MYOCOS: variants seen among roughly 807,000 people sequenced by gnomAD.
MYOCOS encodes the protein myocilin opposite strand, also known as myocilin opposite strand protein.
chr1:171,615,232 T>C (rs1012653190), intron 2 of MYOCOS, among the ~76,000 whole-genome samples: 4 of 152,182 alleles, frequency 2.6e-5, no homozygotes, highest in African/African-American at 9.7e-5. Flanking sequence ...GGGGACCAGA[T>C]AGGCTTAATC....
chr1:171,611,184 G>T (rs2102934378), intron 1 of MYOCOS, among the ~76,000 whole-genome samples: 1 of 152,310 alleles, frequency 6.6e-6, no homozygotes, highest in Non-Finnish European at 1.5e-5. Flanking sequence ...CTACTGAATT[G>T]ACAAAACCAA....
chr1:171,608,679 C>G (rs1652300431), intron 1 of MYOCOS, among the ~76,000 whole-genome samples: 1 of 152,050 alleles, frequency 6.6e-6, no homozygotes, highest in Non-Finnish European at 1.5e-5. Flanking sequence ...CCTCGGCCTC[C>G]CAAAGGGCTG....
intron 1 of MYOCOS, among the ~76,000 whole-genome samples, chr1:171,605,849 A>G (rs910189522): frequency 1.3e-5 from 2 of 152,222 alleles, no homozygotes; most frequent in Admixed American, 6.5e-5. Flanking sequence ...ATTATTACTA[A>G]TAAAACCGGT....
rs1652624428 is a variant in MYOCOS at position 171,623,883 on chromosome 1, C to A, written c.-1C>A. On this transcript the variant is annotated 5_prime_UTR_variant, in exon 2 of 3. Coordinates refer to ENST00000637642, the MANE Select transcript of MYOCOS (RefSeq NM_001391940.1). ...TCCTCAAATCCCCTGAGTGCAAGGC[C>A]ATGGCTCAGAAAAGCCTTGCAAACA... is the stretch of plus-strand genomic sequence containing the variant. 5.0e-6 allele frequency: 2 copies of A among 398,474 alleles called. No individual in the cohort carries two copies. Among genetic ancestry groups the A allele is most frequent in the Non-Finnish European group, 8.8e-6 (2 of 226,080 alleles). The allele number at this position is 398,474 out of a possible 1,614,324, so 24.7% of individuals were successfully genotyped here.
chr1:171,621,712 G>A (rs1460715041), upstream of MYOCOS, among the ~76,000 whole-genome samples: 1 of 151,986 alleles, frequency 6.6e-6, no homozygotes, highest in Non-Finnish European at 1.5e-5. Flanking sequence ...GAAATAGACT[G>A]CCGCCTTGAA....
chr1:171,603,258 A>C (rs1652178408), intron 1 of MYOCOS, among the ~76,000 whole-genome samples: 1 of 152,208 alleles, frequency 6.6e-6, no homozygotes, highest in African/African-American at 2.4e-5. Context: ...TCAACCAGTC[A>C]GCCCTTGTTC....
upstream of MYOCOS, among the ~76,000 whole-genome samples, chr1:171,619,219 G>A (rs533054452): frequency 1.0e-3 from 153 of 152,230 alleles, no homozygotes; most frequent in African/African-American, 3.3e-3. Flanking sequence ...CCCAAATAGC[G>A]AATTTCTTCT....
chr1:171,608,334 A>G (rs982766980), intron 1 of MYOCOS, among the ~76,000 whole-genome samples: 2 of 150,672 alleles, frequency 1.3e-5, no homozygotes, highest in African/African-American at 4.9e-5. Flanking sequence ...AAAATGCCTT[A>G]GTAAATCTTG....
intron 1 of MYOCOS, among the ~76,000 whole-genome samples, chr1:171,611,215 T>C (rs530124615): frequency 6.6e-6 from 1 of 152,318 alleles, no homozygotes; most frequent in South Asian, 2.1e-4. Context: ...TTTCTTTTTT[T>C]CTCTTTAAGC....
intron 1 of MYOCOS, among the ~76,000 whole-genome samples, chr1:171,623,380 G>A (rs1412458760): frequency 6.6e-6 from 1 of 152,116 alleles, no homozygotes; most frequent in Non-Finnish European, 1.5e-5. Context: ...GTTCTTTAAG[G>A]GGTAAGTGTT....
chr1:171,600,987 G>A (rs1054734201), exon 1 of MYOCOS: 16 of 152,386 alleles, frequency 1.0e-4, no homozygotes, highest in African/African-American at 3.8e-4. Context: ...GGCTACCCGA[G>A]GCAGCCCCTT....
At chr1:171,617,931 T>C (rs926945691), upstream of MYOCOS, among the ~76,000 whole-genome samples, 11 of 151,758 alleles carry the variant, frequency 7.2e-5, no homozygotes, top group Admixed American at 2.6e-4. Context: ...TAGAGTAAGG[T>C]GAGAGGAGAC....
chr1:171,612,082 T>C (rs1050171223), intron 1 of MYOCOS, among the ~76,000 whole-genome samples: 4 of 152,036 alleles, frequency 2.6e-5, no homozygotes, highest in African/African-American at 4.8e-5. Context: ...TTTTCTTTTC[T>C]TTTCTTTGAG....
At chr1:171,611,726 C>T (rs1172373987) in intron 1 of MYOCOS, among the ~76,000 whole-genome samples, 1 of 152,116 alleles carries the variant, frequency 6.6e-6, no homozygotes, top group East Asian at 1.9e-4. Context: ...AGCAGTATTC[C>T]TAAGTATGGA....
At chr1:171,619,455 A>C (rs1353148342), upstream of MYOCOS, among the ~76,000 whole-genome samples, 1 of 152,194 alleles carries the variant, frequency 6.6e-6, no homozygotes, top group Non-Finnish European at 1.5e-5. Context: ...TATCTGAACT[A>C]CAACAGACTC....
At chr1:171,605,827 G>A (rs1471267012) in intron 1 of MYOCOS, among the ~76,000 whole-genome samples, 2 of 152,232 alleles carry the variant, frequency 1.3e-5, no homozygotes, top group South Asian at 2.1e-4. Flanking sequence ...ACGGTTACAA[G>A]CTGTTTTAAA....
chr1:171,620,972 G>T (rs1278284843), upstream of MYOCOS, among the ~76,000 whole-genome samples: 1 of 151,946 alleles, frequency 6.6e-6, no homozygotes, highest in Non-Finnish European at 1.5e-5. Context: ...GTTTCACCTT[G>T]TTGGCCAGGA....
At chr1:171,618,882 T>A (rs1430230816), upstream of MYOCOS, among the ~76,000 whole-genome samples, 2 of 152,186 alleles carry the variant, frequency 1.3e-5, no homozygotes, top group African/African-American at 4.8e-5. Context: ...GGACTCACTA[T>A]CTCCTTTTTT....
At chr1:171,626,214 C>G (rs1164311817) in intron 2 of MYOCOS, among the ~76,000 whole-genome samples, 1 of 152,150 alleles carries the variant, frequency 6.6e-6, no homozygotes, top group Non-Finnish European at 1.5e-5. Flanking sequence ...TCCCAAGTAG[C>G]TGGGACCACA....
Sources: allele counts gnomAD v4.1 joint callset (sites outside exome capture counted in the v4.1 genomes callset), GRCh38; gene constraint gnomAD v4.1.1; transcripts MANE v1.5; gene names NCBI Gene and HGNC (gene_info 2026-07-23, HGNC 2026-07-21).